Variants in TMEM59 observed in about 807,000 individuals in gnomAD.
TMEM59 encodes transmembrane protein 59.
Under a neutral mutation model 42.2 loss-of-function variants are expected in TMEM59, and 44 were observed. The ratio of observed to expected loss-of-function variants is 1.04; its 90% CI spans 0.82 to 1.34. The LOEUF is 1.34. Ranked by LOEUF, TMEM59 falls within the 40% of genes most tolerant of loss-of-function variation. The pLI is 0.00. For missense variants in TMEM59, 359 were observed against 382.8 expected, an observed-to-expected ratio of 0.94 and a Z score of 0.52; for synonymous variants, 148 against 145.8, an observed-to-expected ratio of 1.02 and a Z score of -0.11.
chr1:54,040,792 T>C lies in TMEM59; in HGVS notation c.671A>G (p.Asp224Gly), dbSNP rs369055592. 4 of 1,613,738 alleles carry C rather than the reference T, an allele frequency of 2.5e-6. No individual in the cohort carries two copies. Among genetic ancestry groups the C allele is most frequent in the African/African-American group, 1.3e-5 (1 of 74,912 alleles). ...TCTTAAAAAGCCATCACTTTCTCCA[T>C]CTTCAAGAAAATTCCTGTGCGCTTG... is the stretch of plus-strand genomic sequence containing the variant. ...NSQAHRNFLE[D>G]GESDGFLRCL... Residue 224 changes from aspartate (D) to glycine (G), a missense_variant, in exon 6 of 8, where the codon GAT becomes GGT. Asp to Gly is a moderately conservative substitution (Grantham distance 94). Transcript: ENST00000234831.
intron 7 of TMEM59, chr1:54,034,211 G>A (rs957823594): frequency 2.0e-5 from 3 of 151,854 alleles, no homozygotes; most frequent in Admixed American, 1.3e-4. Context: ...CCAGTCACAA[G>A]AGACTACATA....
At chr1:54,046,774 C>T (rs1657353030) in intron 2 of TMEM59, among the ~76,000 whole-genome samples, 1 of 152,182 alleles carries the variant, frequency 6.6e-6, no homozygotes, top group Non-Finnish European at 1.5e-5. Context: ...TTTTGTTAAA[C>T]ATATTGCTTT....
chr1:54,047,257 A>G lies in TMEM59; in HGVS notation c.295+10T>C, dbSNP rs1657371343. 3 of 1,603,492 alleles carry G rather than the reference A, an allele frequency of 1.9e-6. No individual in the cohort carries two copies. Among genetic ancestry groups the G allele is most frequent in the Admixed American group, 1.7e-5 (1 of 58,558 alleles). Reference sequence around the variant, plus strand: ...TACATACAGCTGATGTCGTTAGCATAGCATCTTACCAGATTCACATTCCAA... The same window carrying G: ...TACATACAGCTGATGTCGTTAGCATGGCATCTTACCAGATTCACATTCCAA... On this transcript the variant is annotated intron_variant, in intron 2 of 7. Transcript: ENST00000234831.
rs1183116782 is a variant in TMEM59 at position 54,030,028 on chromosome 1, T to G, written c.*2122A>C. 2.0e-5 allele frequency: 3 copies of G among 152,240 alleles called. No individual in the cohort carries two copies. The highest frequency in any genetic ancestry group is 4.4e-5 in the Non-Finnish European group (3 of 68,018). The allele number at this position is 152,240 out of a possible 1,614,324, so 9.4% of individuals were successfully genotyped here. ...CAAGAGGGGAGATATTTGTCTAAACTTGGATCAATACTTTCAAGAGAAATG... is the reference window on the plus strand; with the variant it reads ...CAAGAGGGGAGATATTTGTCTAAACGTGGATCAATACTTTCAAGAGAAATG... On this transcript the variant is annotated 3_prime_UTR_variant, in exon 8 of 8. Transcript: ENST00000234831.
intron 1 of TMEM59, among the ~76,000 whole-genome samples, chr1:54,051,641 T>TTGGC (rs1657542637): frequency 6.6e-6 from 1 of 152,120 alleles, no homozygotes; most frequent in Non-Finnish European, 1.5e-5. Context: ...AGAAAGTAAG[T>TTGGC]CTCAACCCAA....
chr1:54,037,767 A>C (rs149770254), intron 6 of TMEM59, among the ~76,000 whole-genome samples: 2 of 152,354 alleles, frequency 1.3e-5, no homozygotes, highest in Admixed American at 6.5e-5. Flanking sequence ...GGGAACTCCC[A>C]TATGATTCTT....
At chr1:54,038,157 T>A (rs1244739038) in intron 6 of TMEM59, among the ~76,000 whole-genome samples, 1 of 152,202 alleles carries the variant, frequency 6.6e-6, no homozygotes, top group Non-Finnish European at 1.5e-5. Flanking sequence ...TTCTCTCTAT[T>A]CCTGTTTTCC....
rs1345898475 is a variant in TMEM59 at position 54,029,627 on chromosome 1, G to A, written c.*2523C>T. 2 of 152,064 alleles carry A rather than the reference G, an allele frequency of 1.3e-5. No individual in the cohort carries two copies. Among genetic ancestry groups the A allele is most frequent in the South Asian group, 2.1e-4 (1 of 4,822 alleles). 9.4% of individuals were successfully genotyped at this position (152,064 alleles called of 1,614,324 possible). A position where few individuals can be genotyped will look rare whatever the true frequency, so the allele number is the denominator to read the frequency against. Reference sequence around the variant, plus strand: ...TGCTTTGGTTGGGATTTTCAAGATCGGAAACATTTTTATGCTGTATATATT... The same window carrying A: ...TGCTTTGGTTGGGATTTTCAAGATCAGAAACATTTTTATGCTGTATATATT... On this transcript the variant is annotated 3_prime_UTR_variant, in exon 8 of 8. Transcript: ENST00000234831.
chr1:54,041,145 A>G (rs1298462232), intron 5 of TMEM59, among the ~76,000 whole-genome samples: 1 of 152,202 alleles, frequency 6.6e-6, no homozygotes, highest in Non-Finnish European at 1.5e-5. Context: ...GTTATGTGCT[A>G]TCATTATCTA....
At chr1:54,044,854 C>T (rs1048288662) in intron 3 of TMEM59, 2 of 152,006 alleles carry the variant, frequency 1.3e-5, no homozygotes, top group African/African-American at 4.8e-5. Context: ...TTAGTAGAAG[C>T]TCTTTATGTA....
At position 54,031,110 on chromosome 1, in the gene TMEM59, G is replaced by A; in HGVS notation, c.*1040C>T. On this transcript the variant is annotated 3_prime_UTR_variant, in exon 8 of 8. Coordinates refer to ENST00000234831, the MANE Select transcript of TMEM59 (RefSeq NM_004872.5). ...CTACTAAAAATACAAAATTATCCAG[G>A]TGTGGTGGCGCATGCCTGTAATCCC... The A allele has an allele frequency of 6.6e-6, 1 of 152,356 alleles. No individual in the cohort carries two copies. Among genetic ancestry groups the A allele is most frequent in the Non-Finnish European group, 1.5e-5 (1 of 68,148 alleles). The allele number at this position is 152,356 out of a possible 1,614,324, so 9.4% of individuals were successfully genotyped here. A position where few individuals can be genotyped will look rare whatever the true frequency, so the allele number is the denominator to read the frequency against.
Position 54,051,591 on chromosome 1 carries a change from C to T in TMEM59, c.189+1409G>A, listed in dbSNP as rs555580730. Among the ~76,000 whole-genome samples, 12 of 152,236 alleles carry T rather than the reference C, an allele frequency of 7.9e-5. No homozygotes were observed. The South Asian group carries it at 2.5e-3, about 32-fold the overall frequency. ...CATTCTGGTTTATACCACAAAATTG[C>T]CGAGAAAATCCCAAAAAAGGAAACA... On this transcript the variant is annotated intron_variant, in intron 1 of 7. Coordinates refer to ENST00000234831, the MANE Select transcript of TMEM59 (RefSeq NM_004872.5).
At chr1:54,038,657 T>C (rs957449954) in intron 6 of TMEM59, among the ~76,000 whole-genome samples, 3 of 152,074 alleles carry the variant, frequency 2.0e-5, no homozygotes, top group Non-Finnish European at 4.4e-5. Context: ...AGGAAGTAAA[T>C]AGTTACAGCA....
chr1:54,045,841 A>G, intron 2 of TMEM59, 55 bp from the exon 3 acceptor site: 1 of 1,471,884 alleles, frequency 6.8e-7, no homozygotes, highest in Middle Eastern at 1.8e-4. Flanking sequence ...GGAAAGAGGA[A>G]AGAAAAGGAT....
intron 2 of TMEM59, among the ~76,000 whole-genome samples, chr1:54,046,863 T>C (rs1657355861): frequency 6.6e-6 from 1 of 152,218 alleles, no homozygotes. Context: ...CAATGAATAA[T>C]ATGCTATTAA....
chr1:54,045,787 C>T lies in TMEM59; in HGVS notation c.296-1G>A. ...GATTGGGAATATGCTTCTGTACATG[C>T]TGTAAGAGAAAAATAGTCAAATTAC... On this transcript the variant is annotated splice_acceptor_variant, in intron 2 of 7. Transcript: ENST00000234831. LOFTEE classifies it high-confidence loss of function. 6.2e-7 allele frequency: 1 copy of T among 1,602,238 alleles called. No individual in the cohort carries two copies. The highest frequency in any genetic ancestry group is 2.2e-5 in the East Asian group (1 of 44,616).
chr1:54,046,351 C>A, intron 2 of TMEM59, among the ~76,000 whole-genome samples: 1 of 152,160 alleles, frequency 6.6e-6, no homozygotes, highest in Non-Finnish European at 1.5e-5. Flanking sequence ...ATCTGAAAGT[C>A]TAAGAAAATT....
chr1:54,053,095 T>C lies in TMEM59; in HGVS notation c.94A>G (p.Thr32Ala), dbSNP rs1353671681. The C allele has an allele frequency of 2.5e-6, 4 of 1,614,084 alleles. No homozygotes were observed. Among genetic ancestry groups the C allele is most frequent in the Admixed American group, 1.7e-5 (1 of 60,004 alleles). The stretch of plus-strand genomic sequence containing the variant: ...GAGTCAAATGCTTCAGCCGAAGCGG[T>C]CCCCGAACCTCCGGCCAAGGCCATG... ...LTMALAGGSG[T>A]ASAEAFDSVL... Residue 32 changes from threonine to alanine, a missense_variant, in exon 1 of 8, where the codon ACC becomes GCC. By Grantham distance (58) the Thr-to-Ala change is moderately conservative. Coordinates refer to ENST00000234831, the MANE Select transcript of TMEM59 (RefSeq NM_004872.5).
At chr1:54,041,600 A>T in intron 5 of TMEM59, 124 bp downstream of exon 5, 1 of 730,188 alleles carries the variant, frequency 1.4e-6, no homozygotes, top group Non-Finnish European at 2.2e-6. Flanking sequence ...TGAAAGTTTG[A>T]GAACCACTGT....
Sources: gnomAD v4.1 joint callset for allele counts (sites outside exome capture counted in the v4.1 genomes callset) on GRCh38, gnomAD v4.1.1 for gene constraint, MANE v1.5 for transcripts, NCBI Gene and HGNC (gene_info 2026-07-23, HGNC 2026-07-21) for gene names.